NFATC3: variants seen among roughly 807,000 people sequenced by gnomAD.
NFATC3 encodes nuclear factor of activated T cells 3.
Under a neutral mutation model 98.6 loss-of-function variants are expected in NFATC3, and 46 were observed. That is an observed-to-expected ratio of 0.47 (90% CI 0.37 to 0.60). The LOEUF (loss-of-function observed/expected upper bound fraction) is 0.60. Ranked by LOEUF, NFATC3 falls within the 20% of genes least tolerant of loss-of-function variation. The probability of loss-of-function intolerance (pLI) is 0.00; values close to 1 mark genes in which losing one functional copy is unlikely to be tolerated. For synonymous variants in NFATC3, 512 were observed against 472.2 expected, an observed-to-expected ratio of 1.08 and a Z score of -1.09; for missense variants, 1,256 against 1,295.5, an observed-to-expected ratio of 0.97 and a Z score of 0.47.
intron 4 of NFATC3, among the ~76,000 whole-genome samples, chr16:68,160,651 C>T (rs1181561495): frequency 5.3e-5 from 8 of 151,984 alleles, no homozygotes; most frequent in Admixed American, 5.2e-4. Flanking sequence ...AGAGTTTTTT[C>T]ACAGCAAAGG....
chr16:68,176,343 T>C (rs1476416538), intron 6 of NFATC3, among the ~76,000 whole-genome samples: 2 of 150,756 alleles, frequency 1.3e-5, no homozygotes, highest in Non-Finnish European at 3.0e-5. Flanking sequence ...ACCTAAATGC[T>C]CAACATCTTT....
At chr16:68,089,965 TG>T (rs1265158032) in intron 1 of NFATC3, among the ~76,000 whole-genome samples, 1 of 152,316 alleles carries the variant, frequency 6.6e-6, no homozygotes, top group African/African-American at 2.4e-5. Flanking sequence ...TATGTATTTT[TG>T]TAAGAAGTTT....
chr16:68,216,966 C>G (rs1189404183), intron 9 of NFATC3, among the ~76,000 whole-genome samples: 2 of 152,040 alleles, frequency 1.3e-5, no homozygotes, highest in Non-Finnish European at 2.9e-5. Flanking sequence ...AATCTCTGAT[C>G]TATTGCTGGT....
At chr16:68,222,289 C>CCAAAAAAAAAAAAAAAA (rs1372339245) in intron 9 of NFATC3, among the ~76,000 whole-genome samples, 1 of 26,404 alleles carries the variant, frequency 3.8e-5, no homozygotes, top group African/African-American at 9.3e-5. Flanking sequence ...ACCCCATTGC[C>CCAAAAAAAAAAAAAAAA]AAAAAAAAAA....
At chr16:68,207,349 G>A (rs550335452) in intron 9 of NFATC3, among the ~76,000 whole-genome samples, 34 of 151,982 alleles carry the variant, frequency 2.2e-4, no homozygotes, top group Non-Finnish European at 1.2e-4. Flanking sequence ...TTTCCCTCTC[G>A]GCTGTTGGGA....
intron 3 of NFATC3, among the ~76,000 whole-genome samples, chr16:68,140,056 G>A (rs575599002): frequency 3.3e-5 from 5 of 152,154 alleles, no homozygotes; most frequent in South Asian, 4.1e-4. Context: ...GAGTACAGTC[G>A]TGCAATCTTG....
intron 8 of NFATC3, among the ~76,000 whole-genome samples, chr16:68,185,862 C>CAAAA (rs764335192): frequency 2.6e-4 from 13 of 49,312 alleles, no homozygotes; most frequent in Non-Finnish European, 5.8e-4. Context: ...GACTCCGTCT[C>CAAAA]AAAAAAAAAA....
At chr16:68,184,004 C>CAAAAAAAAAAAAAA (rs34341175) in intron 8 of NFATC3, among the ~76,000 whole-genome samples, 1 of 62,260 alleles carries the variant, frequency 1.6e-5, no homozygotes. Context: ...AACTCCGTCA[C>CAAAAAAAAAAAAAA]AAAAAAAAAA....
intron 1 of NFATC3, among the ~76,000 whole-genome samples, chr16:68,094,287 T>C (rs1170751367): frequency 6.6e-6 from 1 of 152,172 alleles, no homozygotes; most frequent in Non-Finnish European, 1.5e-5. Flanking sequence ...GCTGTTTTGC[T>C]TTTAAAGTTT....
intron 2 of NFATC3, among the ~76,000 whole-genome samples, chr16:68,124,026 A>G (rs1303253250): frequency 6.6e-6 from 1 of 152,084 alleles, no homozygotes; most frequent in Non-Finnish European, 1.5e-5. Flanking sequence ...AATTACATTT[A>G]CAGAATCAAT....
intron 5 of NFATC3, among the ~76,000 whole-genome samples, chr16:68,172,510 C>T (rs2039511879): frequency 6.6e-6 from 1 of 152,096 alleles, no homozygotes; most frequent in Admixed American, 6.6e-5. Flanking sequence ...ACCTGTAATC[C>T]CAACTCTTTG....
chr16:68,224,313 G>C (rs2041969687), intron 9 of NFATC3, among the ~76,000 whole-genome samples: 1 of 126,438 alleles, frequency 7.9e-6, no homozygotes, highest in South Asian at 2.4e-4. Flanking sequence ...GTCTCACTCT[G>C]TTGCCCAGGC....
At chr16:68,138,124 C>T (rs2037542074) in intron 3 of NFATC3, among the ~76,000 whole-genome samples, 1 of 152,084 alleles carries the variant, frequency 6.6e-6, no homozygotes, top group South Asian at 2.1e-4. Flanking sequence ...CAACCCCTGC[C>T]TGCTGGGATC....
In NFATC3 at chr16:68,181,437, A is replaced by G. The variant is rs528036151; in HGVS notation, c.1916-38A>G. 25 of 1,487,714 alleles carry G rather than the reference A, an allele frequency of 1.7e-5. No individual in the cohort carries two copies. In the East Asian group the frequency reaches 4.8e-4, roughly 28 times the overall value. 92.2% of individuals were successfully genotyped at this position (1,487,714 alleles called of 1,614,324 possible). A position where few individuals can be genotyped will look rare whatever the true frequency, so the allele number is the denominator to read the frequency against. The stretch of plus-strand genomic sequence containing the variant: ...AGATTTTGTCTGTATGCTTTCTGAT[A>G]TGAATTGCTTTTAACTATAAACTCT... On this transcript the variant is annotated intron_variant, in intron 6 of 9. Coordinates refer to ENST00000346183, the MANE Select transcript of NFATC3 (RefSeq NM_173165.3).
chr16:68,108,695 C>A (rs1000083490), intron 1 of NFATC3, among the ~76,000 whole-genome samples: 2 of 152,148 alleles, frequency 1.3e-5, no homozygotes, highest in African/African-American at 4.8e-5. Context: ...AATATTGATT[C>A]TTCCTATCCA....
Position 68,183,345 on chromosome 16 carries a change from C to T in NFATC3, c.2077C>T (p.Gln693Ter). 6.2e-7 allele frequency: 1 copy of T among 1,613,340 alleles called. No individual in the cohort carries two copies. Among genetic ancestry groups the T allele is most frequent in the Non-Finnish European group, 8.5e-7 (1 of 1,179,992 alleles). ...TGGCAAGAGGAAAAAAAGCCAGTCT[C>T]AACGTTTTACTTATACACCAGGTAC... is the stretch of plus-strand genomic sequence containing the variant. ...CNGKRKKSQS[Q>*]RFTYTPVLMK... is the part of the protein sequence containing the mutation. Residue 693 changes from glutamine (Q) to a stop codon, truncating the protein, a stop_gained, in exon 8 of 10, where the codon CAA becomes TAA. Transcript: ENST00000346183. LOFTEE classifies it high-confidence loss of function.
rs201507188 is a variant in NFATC3 at position 68,181,483 on chromosome 16, C to T, written c.1924C>T (p.Pro642Ser). ...IFLEKGQDGR[P>S]QWEVEGKIIR... Reference sequence around the variant, plus strand: ...ACTCTTTCTTTCAATAGATGGACGACCTCAGTGGGAGGTAGAAGGGAAGAT... The same window carrying T: ...ACTCTTTCTTTCAATAGATGGACGATCTCAGTGGGAGGTAGAAGGGAAGAT... Residue 642 changes from proline (P) to serine (S), a missense_variant, in exon 7 of 10, where the codon CCT becomes TCT. By Grantham distance (74) the Pro-to-Ser change is moderately conservative. Coordinates refer to ENST00000346183, the MANE Select transcript of NFATC3 (RefSeq NM_173165.3). The T allele has an allele frequency of 3.7e-6, 6 of 1,611,166 alleles. No individual in the cohort carries two copies. Among genetic ancestry groups the T allele is most frequent in the Non-Finnish European group, 4.2e-6 (5 of 1,177,760 alleles).
intron 3 of NFATC3, among the ~76,000 whole-genome samples, chr16:68,133,318 A>G (rs911162875): frequency 6.6e-6 from 1 of 152,226 alleles, no homozygotes; most frequent in Admixed American, 6.5e-5. Flanking sequence ...GAATGTTAAC[A>G]TAAATGATAA....
chr16:68,144,272 A>T (rs1461851322), intron 3 of NFATC3, among the ~76,000 whole-genome samples: 2 of 152,198 alleles, frequency 1.3e-5, no homozygotes, highest in East Asian at 3.8e-4. Context: ...AAAATAAAAA[A>T]TATAATACTA....
Sources: gnomAD v4.1 joint callset for allele counts (sites outside exome capture counted in the v4.1 genomes callset) on GRCh38, gnomAD v4.1.1 for gene constraint, MANE v1.5 for transcripts, NCBI Gene and HGNC (gene_info 2026-07-23, HGNC 2026-07-21) for gene names.